Variants in TMEM117 observed in about 807,000 individuals in gnomAD.
The protein encoded by TMEM117 is transmembrane protein 117.
A neutral mutation model predicts 52.4 loss-of-function variants in TMEM117; 27 were observed. The observed-to-expected ratio is 0.51, with a 90% CI of 0.38 to 0.71. TMEM117 has a LOEUF of 0.71. Ranked by LOEUF, TMEM117 falls within the 30% of genes least tolerant of loss-of-function variation. The probability of loss-of-function intolerance (pLI) is 0.00; values close to 1 mark genes in which losing one functional copy is unlikely to be tolerated. For missense variants in TMEM117, 556 were observed against 630.5 expected, an observed-to-expected ratio of 0.88 and a Z score of 1.26; for synonymous variants, 215 against 206.3, an observed-to-expected ratio of 1.04 and a Z score of -0.36.
intron 4 of TMEM117, among the ~76,000 whole-genome samples, chr12:44,152,428 A>C (rs1184343984): frequency 2.6e-5 from 3 of 115,752 alleles, no homozygotes; most frequent in East Asian, 2.8e-4. Context: ...TTCTATATTT[A>C]TATATTATAT....
the TMEM117 span, among the ~76,000 whole-genome samples, chr12:43,818,181 C>T: frequency 6.6e-6 from 1 of 152,126 alleles, no homozygotes; most frequent in Admixed American, 6.5e-5. Context: ...CAAAGTTATA[C>T]AAATACATTC....
At chr12:44,195,501 A>G (rs1217485653) in intron 4 of TMEM117, among the ~76,000 whole-genome samples, 1 of 152,180 alleles carries the variant, frequency 6.6e-6, no homozygotes, top group Non-Finnish European at 1.5e-5. Flanking sequence ...AGCAAGAGCC[A>G]TAGGAGGTCA....
chr12:43,991,393 C>G lies in TMEM117; in HGVS notation c.410+47051C>G, dbSNP rs1945936228. Among the ~76,000 whole-genome samples the G allele has an allele frequency of 2.6e-5, 4 of 152,144 alleles. No homozygotes were observed. In the South Asian group the frequency reaches 8.3e-4, roughly 32 times the overall value. On this transcript the variant is annotated intron_variant, in intron 3 of 7. Transcript: ENST00000266534. ...AAGAAATTGTCCAAGAAATTTTGTT[C>G]CACTGGATAATAATTGTAATAACCA... is the stretch of plus-strand genomic sequence containing the variant.
intron 4 of TMEM117, among the ~76,000 whole-genome samples, chr12:44,194,166 G>A (rs1435715297): frequency 1.3e-5 from 2 of 152,106 alleles, no homozygotes; most frequent in African/African-American, 2.4e-5. Flanking sequence ...TTCAGTTGTG[G>A]GTTAAAGAGC....
intron 3 of TMEM117, among the ~76,000 whole-genome samples, chr12:44,123,141 T>C (rs1286040071): frequency 6.6e-6 from 1 of 152,218 alleles, no homozygotes; most frequent in Non-Finnish European, 1.5e-5. Flanking sequence ...TGGTTTTGAT[T>C]TGCATTTCTC....
chr12:44,196,502 G>T (rs1386373656), intron 4 of TMEM117, among the ~76,000 whole-genome samples: 2 of 152,142 alleles, frequency 1.3e-5, no homozygotes, highest in African/African-American at 4.8e-5. Flanking sequence ...TCTTGGATAT[G>T]TAATTACATC....
the TMEM117 span, among the ~76,000 whole-genome samples, chr12:43,830,761 AATG>A: frequency 2.5e-3 from 381 of 152,336 alleles, no homozygotes; most frequent in Middle Eastern, 6.8e-3. Flanking sequence ...AATGAATAAT[AATG>A]ATGATAAAAA....
At chr12:44,182,867 C>CA (rs1223252913) in intron 4 of TMEM117, among the ~76,000 whole-genome samples, 1 of 151,980 alleles carries the variant, frequency 6.6e-6, no homozygotes, top group Non-Finnish European at 1.5e-5. Context: ...TGTAGTTAAA[C>CA]AAAAAACGCT....
chr12:44,055,019 T>A (rs1255433779), intron 3 of TMEM117, among the ~76,000 whole-genome samples: 1 of 152,278 alleles, frequency 6.6e-6, no homozygotes, highest in Admixed American at 6.5e-5. Flanking sequence ...TTAATCCTAC[T>A]CAGAATTTTT....
At chr12:44,234,238 T>C (rs1949967473) in intron 5 of TMEM117, among the ~76,000 whole-genome samples, 1 of 151,546 alleles carries the variant, frequency 6.6e-6, no homozygotes, top group Non-Finnish European at 1.5e-5. Context: ...GCTTTTTCTA[T>C]GAGAAATTTT....
intron 2 of TMEM117, among the ~76,000 whole-genome samples, chr12:43,877,658 T>A (rs1350278910): frequency 6.6e-6 from 1 of 151,808 alleles, no homozygotes; most frequent in Non-Finnish European, 1.5e-5. Flanking sequence ...AAAGTGTTTT[T>A]GTATAAACAT....
intron 3 of TMEM117, among the ~76,000 whole-genome samples, chr12:44,060,977 G>A (rs892567211): frequency 2.0e-5 from 3 of 152,096 alleles, no homozygotes; most frequent in Admixed American, 2.0e-4. Context: ...CTCAGATTTA[G>A]GCACTGTTTG....
intron 3 of TMEM117, among the ~76,000 whole-genome samples, chr12:44,037,519 C>T (rs1232393173): frequency 6.6e-6 from 1 of 152,130 alleles, no homozygotes; most frequent in Non-Finnish European, 1.5e-5. Flanking sequence ...CAGATAGGCT[C>T]CTAGGCAGAA....
chr12:43,896,417 C>T (rs1243352783), intron 2 of TMEM117, among the ~76,000 whole-genome samples: 1 of 152,200 alleles, frequency 6.6e-6, no homozygotes. Context: ...CTCTAGTCAT[C>T]TGATCACTTT....
upstream of TMEM117, among the ~76,000 whole-genome samples, chr12:43,833,042 G>A (rs1301170618): frequency 6.6e-6 from 1 of 152,194 alleles, no homozygotes; most frequent in Non-Finnish European, 1.5e-5. Flanking sequence ...TTCTTGGTCA[G>A]TGGTTAAAAA....
At chr12:44,318,052 G>A (rs919062226) in intron 6 of TMEM117, among the ~76,000 whole-genome samples, 2 of 152,140 alleles carry the variant, frequency 1.3e-5, no homozygotes, top group African/African-American at 4.8e-5. Context: ...GTGACGGCCC[G>A]AACTCCTAAT....
intron 2 of TMEM117, 91 bp from the exon 3 acceptor site, chr12:43,944,119 T>G: frequency 7.9e-6 from 9 of 1,142,564 alleles, no homozygotes; most frequent in African/African-American, 1.6e-5. Flanking sequence ...CAGAATATAG[T>G]GAGACATTAA....
At chr12:44,206,486 T>C (rs1044709315) in intron 4 of TMEM117, among the ~76,000 whole-genome samples, 2 of 152,206 alleles carry the variant, frequency 1.3e-5, no homozygotes, top group Non-Finnish European at 2.9e-5. Context: ...AGGATATAAA[T>C]TGTTGTACCA....
At chr12:44,248,228 A>C (rs78837926) in intron 5 of TMEM117, among the ~76,000 whole-genome samples, 4,602 of 152,210 alleles carry the variant, frequency 0.03, 135 homozygotes, top group East Asian at 0.091. Context: ...TATCAGCCCC[A>C]AGGCTTCCAT....
Sources: allele counts gnomAD v4.1 joint callset (sites outside exome capture counted in the v4.1 genomes callset), GRCh38; gene constraint gnomAD v4.1.1; transcripts MANE v1.5; gene names NCBI Gene and HGNC (gene_info 2026-07-23, HGNC 2026-07-21).